Variants in STAU2 observed in about 807,000 individuals in gnomAD.
STAU2 encodes the protein double-stranded RNA-binding protein Staufen homolog 2.
In STAU2, 20 loss-of-function variants were observed where a neutral mutation model predicts 65.9. The ratio of observed to expected loss-of-function variants is 0.30; its 90% CI spans 0.21 to 0.44. The LOEUF is 0.44. Among genes scored for constraint, STAU2 ranks in the 20% least tolerant of loss-of-function variants. The pLI, the probability that STAU2 is intolerant of heterozygous loss-of-function variation, is 1.00. For synonymous variants in STAU2, 232 were observed against 233.9 expected (o/e 0.99, Z 0.07); for missense variants, 558 against 683.9 (o/e 0.82, Z 2.05).
chr8:73,549,535 CT>C, intron 13 of STAU2: 1 of 733,320 alleles, frequency 1.4e-6, no homozygotes, highest in African/African-American at 1.9e-5. Context: ...ATCAAAGTAG[CT>C]TTTTGTAATT....
chr8:73,439,119 A>G lies in STAU2; in HGVS notation c.1531-16417T>C, dbSNP rs977001413. The G allele has an allele frequency of 1.4e-5, 6 of 442,086 alleles. No homozygotes were observed. In the Admixed American group the frequency reaches 1.5e-4, roughly 11 times the overall value. The allele number at this position is 442,086 out of a possible 1,614,324, so 27.4% of individuals were successfully genotyped here. A position where few individuals can be genotyped will look rare whatever the true frequency, so the allele number is the denominator to read the frequency against. On this transcript the variant is annotated intron_variant, in intron 13 of 14. Transcript: ENST00000524300. ...GTATTGTGCTGGTAAATATTTAACA[A>G]CTGACTCTTCGTGGGGAGAAAATCA... is the stretch of plus-strand genomic sequence containing the variant.
intron 13 of STAU2, among the ~76,000 whole-genome samples, chr8:73,517,203 GC>G (rs1822784459): frequency 6.6e-6 from 1 of 152,078 alleles, no homozygotes; most frequent in Admixed American, 6.6e-5. Context: ...GATCAATTGA[GC>G]CCAGGAGCTC....
At chr8:73,526,375 A>T (rs1398786003) in intron 13 of STAU2, among the ~76,000 whole-genome samples, 1 of 152,200 alleles carries the variant, frequency 6.6e-6, no homozygotes, top group African/African-American at 2.4e-5. Context: ...ATGAATAATG[A>T]TTGGAAACAA....
Position 73,633,670 on chromosome 8 carries a change from G to C in STAU2, c.411-16219C>G, listed in dbSNP as rs528083610. 1.2e-4 allele frequency among the ~76,000 whole-genome samples: 19 copies of C among 152,186 alleles called. No individual in the cohort carries two copies. In the South Asian group the frequency reaches 3.5e-3, roughly 28 times the overall value. The stretch of plus-strand genomic sequence containing the variant: ...CATGAGGAGCTTTAAAAAATACTGA[G>C]GACAAGTCAGTAAGAAAAAGACCAC... On this transcript the variant is annotated intron_variant, in intron 6 of 14. Transcript: ENST00000524300.
At chr8:73,484,427 G>A (rs1171488336) in intron 13 of STAU2, among the ~76,000 whole-genome samples, 1 of 151,974 alleles carries the variant, frequency 6.6e-6, no homozygotes, top group Non-Finnish European at 1.5e-5. Flanking sequence ...TGGTGGATCT[G>A]GAAATTCTTA....
chr8:73,700,752 C>T (rs893530064), intron 4 of STAU2, among the ~76,000 whole-genome samples: 5 of 152,036 alleles, frequency 3.3e-5, no homozygotes, highest in Admixed American at 2.0e-4. Flanking sequence ...TGACATTCTT[C>T]AGAGAAATAG....
intron 12 of STAU2, among the ~76,000 whole-genome samples, chr8:73,556,823 G>C (rs1807812848): frequency 6.6e-6 from 1 of 152,102 alleles, no homozygotes; most frequent in Non-Finnish European, 1.5e-5. Flanking sequence ...TGGTGGGAGT[G>C]ACAGATTGCA....
At chr8:73,477,223 C>G (rs16938674) in intron 13 of STAU2, among the ~76,000 whole-genome samples, 1,939 of 152,098 alleles carry the variant, frequency 0.013, 19 homozygotes, top group South Asian at 0.019. Flanking sequence ...ATGGACAGAC[C>G]CATCATTCTT....
chr8:73,608,718 G>A (rs1375881374), intron 9 of STAU2, among the ~76,000 whole-genome samples: 1 of 151,904 alleles, frequency 6.6e-6, no homozygotes, highest in Non-Finnish European at 1.5e-5. Context: ...AACGTCGGGC[G>A]CAGTGGCTCA....
At position 73,615,720 on chromosome 8, in the gene STAU2, T is replaced by C. The variant is rs1248845928; in HGVS notation, c.633A>G (p.Leu211=). 2 of 1,613,896 alleles carry C rather than the reference T, an allele frequency of 1.2e-6. No individual in the cohort carries two copies. The highest frequency in any genetic ancestry group is 1.3e-5 in the African/African-American group (1 of 75,068). ...TTCGCTTCAGAGCAATTTCAAACAC[T>C]AAGCTGATCTCAGACTTATTTGCAT... ...DKDANKSEIS[L]VFEIALKRNM... The change falls in exon 8 of 15, where the codon TTA becomes TTG. Residue 211 remains leucine, a synonymous_variant. Coordinates refer to ENST00000524300, the MANE Select transcript of STAU2 (RefSeq NM_001164380.2).
intron 9 of STAU2, among the ~76,000 whole-genome samples, chr8:73,612,097 C>T (rs909405483): frequency 6.6e-6 from 1 of 152,088 alleles, no homozygotes; most frequent in Admixed American, 6.6e-5. Context: ...TGCTGTTCCT[C>T]CATCACAGAA....
chr8:73,582,339 T>C (rs908011824), intron 12 of STAU2, among the ~76,000 whole-genome samples: 67 of 151,788 alleles, frequency 4.4e-4, no homozygotes, highest in African/African-American at 1.5e-3. Context: ...CATAATTATA[T>C]AAAAATTTGT....
intron 12 of STAU2, among the ~76,000 whole-genome samples, chr8:73,564,016 A>G (rs1271137882): frequency 6.6e-6 from 1 of 152,196 alleles, no homozygotes; most frequent in Non-Finnish European, 1.5e-5. Flanking sequence ...ACATGTAAGA[A>G]CAATTTCACT....
chr8:73,458,480 C>G (rs1262520711), intron 13 of STAU2, among the ~76,000 whole-genome samples: 1 of 152,206 alleles, frequency 6.6e-6, no homozygotes, highest in Non-Finnish European at 1.5e-5. Flanking sequence ...TAACAGTTGC[C>G]AGACATTCTC....
intron 13 of STAU2, among the ~76,000 whole-genome samples, chr8:73,428,581 A>G (rs1817014294): frequency 1.3e-5 from 2 of 152,160 alleles, no homozygotes. Context: ...TGGGGTTCCT[A>G]CGAGCTCTAG....
intron 9 of STAU2, among the ~76,000 whole-genome samples, chr8:73,604,251 CAG>C (rs1219417629): frequency 6.6e-6 from 1 of 152,002 alleles, no homozygotes; most frequent in East Asian, 1.9e-4. Flanking sequence ...TTTTTTGAGA[CAG>C]AGTTTCATTC....
At chr8:73,448,009 C>T (rs1818569699) in intron 13 of STAU2, among the ~76,000 whole-genome samples, 1 of 152,136 alleles carries the variant, frequency 6.6e-6, no homozygotes, top group African/African-American at 2.4e-5. Flanking sequence ...ACTTCACTTC[C>T]TCGTTTCCAC....
At chr8:73,674,674 C>T (rs985075719) in intron 5 of STAU2, among the ~76,000 whole-genome samples, 8 of 150,020 alleles carry the variant, frequency 5.3e-5, no homozygotes, top group African/African-American at 2.0e-4. Context: ...GCGTCCCTGT[C>T]TCACTGCAAT....
chr8:73,673,852 T>C (rs1817853951), intron 5 of STAU2, among the ~76,000 whole-genome samples: 1 of 151,960 alleles, frequency 6.6e-6, no homozygotes, highest in Non-Finnish European at 1.5e-5. Flanking sequence ...GAAAACAACC[T>C]AAACAACCAT....
Sources: allele counts gnomAD v4.1 joint callset (sites outside exome capture counted in the v4.1 genomes callset), GRCh38; gene constraint gnomAD v4.1.1; transcripts MANE v1.5; gene names NCBI Gene and HGNC (gene_info 2026-07-23, HGNC 2026-07-21).